Variants in ITPRID1 observed in about 807,000 individuals in gnomAD.
ITPRID1 encodes protein ITPRID1.
ITPRID1 carries 96 observed loss-of-function variants against 95.4 expected under a neutral mutation model. The observed-to-expected ratio is 1.01, with a 90% CI of 0.85 to 1.19. The LOEUF (loss-of-function observed/expected upper bound fraction) is 1.19. ITPRID1 is among the 50% of genes most tolerant of loss of function. The probability of loss-of-function intolerance (pLI) is 0.00; values close to 1 mark genes in which losing one functional copy is unlikely to be tolerated. For synonymous variants in ITPRID1, 510 were observed against 453.6 expected (o/e 1.12, Z -1.58); for missense variants, 1,339 against 1,252.9 (o/e 1.07, Z -1.04).
chr7:31,624,819 A>G (rs1788288196), intron 10 of ITPRID1, among the ~76,000 whole-genome samples: 1 of 152,312 alleles, frequency 6.6e-6, no homozygotes, highest in Non-Finnish European at 1.5e-5. Context: ...AGAAACTACC[A>G]TCAGAGTGAA....
chr7:31,554,091 G>A (rs187160976), intron 3 of ITPRID1, among the ~76,000 whole-genome samples: 1 of 152,248 alleles, frequency 6.6e-6, no homozygotes, highest in East Asian at 1.9e-4. Context: ...GATTCAATAA[G>A]GAGAGGCTTT....
intron 1 of ITPRID1, chr7:31,529,627 G>A (rs748272545): frequency 1.5e-6 from 1 of 650,216 alleles, no homozygotes; most frequent in Non-Finnish European, 2.6e-6. Flanking sequence ...AGACTGTCTT[G>A]GCTTTCTATG....
Position 31,585,010 on chromosome 7 carries a change from G to C in ITPRID1, c.1228+1819G>C, listed in dbSNP as rs549199513. Among the ~76,000 whole-genome samples the C allele has an allele frequency of 2.0e-5, 3 of 152,284 alleles. No homozygotes were observed. In the South Asian group the frequency reaches 6.2e-4, roughly 32 times the overall value. On this transcript the variant is annotated intron_variant, in intron 10 of 14. Transcript: ENST00000615280. ...AGCCCCTATGTTGTGCAAAGCCCAAGTGACATGAGGATGCCACATGTGGAC... is the reference window on the plus strand; with the variant it reads ...AGCCCCTATGTTGTGCAAAGCCCAACTGACATGAGGATGCCACATGTGGAC...
intron 10 of ITPRID1, among the ~76,000 whole-genome samples, chr7:31,641,972 C>G (rs1790057467): frequency 6.6e-6 from 1 of 152,086 alleles, no homozygotes; most frequent in African/African-American, 2.4e-5. Context: ...TTCTTTGTAT[C>G]AGGAAACCAG....
chr7:31,643,975 G>C (rs1222387153), intron 12 of ITPRID1, 22 bp downstream of exon 12: 1 of 1,577,632 alleles, frequency 6.3e-7, no homozygotes, highest in Admixed American at 1.8e-5. Flanking sequence ...CCCTGGCAAA[G>C]ATGGAAAGGC....
chr7:31,645,904 A>C (rs1790425635), intron 12 of ITPRID1, among the ~76,000 whole-genome samples: 1 of 152,120 alleles, frequency 6.6e-6, no homozygotes. Context: ...GCTCTAAGAG[A>C]ATAAACATTT....
intron 10 of ITPRID1, among the ~76,000 whole-genome samples, chr7:31,624,881 A>AG (rs1439676818): frequency 6.6e-6 from 1 of 152,228 alleles, no homozygotes; most frequent in African/African-American, 2.4e-5. Flanking sequence ...CATCTGACAA[A>AG]GGGCTAATAT....
chr7:31,517,089 G>A (rs990094688), intron 1 of ITPRID1, among the ~76,000 whole-genome samples: 1 of 152,192 alleles, frequency 6.6e-6, no homozygotes, highest in African/African-American at 2.4e-5. Flanking sequence ...AAGAGCGAAA[G>A]AAACCACCAT....
chr7:31,641,523 A>T (rs1790017350), intron 10 of ITPRID1, among the ~76,000 whole-genome samples: 1 of 152,226 alleles, frequency 6.6e-6, no homozygotes, highest in Non-Finnish European at 1.5e-5. Context: ...ACACTCTGGT[A>T]GCCAACTATT....
chr7:31,605,651 C>T (rs1182508636), intron 10 of ITPRID1, among the ~76,000 whole-genome samples: 2 of 152,178 alleles, frequency 1.3e-5, no homozygotes, highest in Non-Finnish European at 2.9e-5. Context: ...AAAAAGGAAA[C>T]TGGTGATAGA....
At chr7:31,598,765 A>G (rs1189356491) in intron 10 of ITPRID1, among the ~76,000 whole-genome samples, 1 of 152,232 alleles carries the variant, frequency 6.6e-6, no homozygotes, top group Non-Finnish European at 1.5e-5. Flanking sequence ...AACTGGGCAA[A>G]TAATATGAAT....
intron 10 of ITPRID1, among the ~76,000 whole-genome samples, chr7:31,616,155 ATTCTT>A (rs1256107505): frequency 6.6e-6 from 1 of 152,010 alleles, no homozygotes; most frequent in African/African-American, 2.4e-5. Flanking sequence ...AATTATTGGA[ATTCTT>A]ACAGTTTTCA....
chr7:31,648,831 T>C (rs1790710920), intron 12 of ITPRID1, among the ~76,000 whole-genome samples: 1 of 152,242 alleles, frequency 6.6e-6, no homozygotes, highest in African/African-American at 2.4e-5. Context: ...TGGTCCCTGC[T>C]GTGACTCAGA....
intron 1 of ITPRID1, among the ~76,000 whole-genome samples, chr7:31,519,150 A>G (rs1486873922): frequency 2.6e-5 from 4 of 152,208 alleles, no homozygotes; most frequent in Admixed American, 6.5e-5. Context: ...CAGGTCCTAC[A>G]CAACATGGTA....
chr7:31,581,616 C>T (rs1785407417), intron 9 of ITPRID1, among the ~76,000 whole-genome samples: 1 of 152,104 alleles, frequency 6.6e-6, no homozygotes, highest in African/African-American at 2.4e-5. Context: ...GTTTCAAAAG[C>T]TGTAACTATT....
chr7:31,542,066 C>T (rs1783950455), intron 1 of ITPRID1, among the ~76,000 whole-genome samples: 2 of 152,170 alleles, frequency 1.3e-5, no homozygotes, highest in African/African-American at 2.4e-5. Flanking sequence ...TCCACATTCT[C>T]ATGCCTCCTT....
rs751450096 is a variant in ITPRID1, at chr7:31,572,128, C to T, written c.335C>T (p.Pro112Leu). 9.9e-6 allele frequency: 16 copies of T among 1,610,908 alleles called. No individual in the cohort carries two copies. The highest frequency in any genetic ancestry group is 1.6e-4 in the Middle Eastern group (1 of 6,076). ...TCTTTGCATCAGTTTTCAGAAACTC[C>T]CATCCTATCCAGAGGGACCAGTTTC... ...MRSLHQFSET[P>L]ILSRGTSFNS... is the part of the protein sequence containing the mutation. The change falls in exon 7 of 15, where the codon CCC becomes CTC. Residue 112 changes from proline (P) to leucine (L), a missense_variant. Physicochemically the swap from Pro to Leu is moderately conservative, Grantham distance 98. Coordinates refer to ENST00000615280, the MANE Select transcript of ITPRID1 (RefSeq NM_001257967.3).
At chr7:31,645,203 T>C (rs1376933911) in intron 12 of ITPRID1, among the ~76,000 whole-genome samples, 1 of 152,196 alleles carries the variant, frequency 6.6e-6, no homozygotes, top group East Asian at 1.9e-4. Context: ...CTTTAAAATA[T>C]CTAAATCTAT....
At chr7:31,555,008 A>G (rs1313400803) in intron 5 of ITPRID1, 107 bp downstream of exon 5, 1 of 845,564 alleles carries the variant, frequency 1.2e-6, no homozygotes, top group East Asian at 2.7e-5. Context: ...GGCTTCTAGA[A>G]ATGATCAGCC....
Sources: gnomAD v4.1 joint callset for allele counts (sites outside exome capture counted in the v4.1 genomes callset) on GRCh38, gnomAD v4.1.1 for gene constraint, MANE v1.5 for transcripts, NCBI Gene and HGNC (gene_info 2026-07-23, HGNC 2026-07-21) for gene names.